Variants in TNR observed in about 807,000 individuals in gnomAD.
The protein encoded by TNR is tenascin-R.
In TNR, 45 loss-of-function variants were observed where a neutral mutation model predicts 150.4. The ratio of observed to expected loss-of-function variants is 0.30; its 90% CI spans 0.24 to 0.38. TNR has a LOEUF of 0.38. Among genes scored for constraint, TNR ranks in the 10% least tolerant of loss-of-function variants. The probability of loss-of-function intolerance (pLI) is 1.00; values close to 1 mark genes in which losing one functional copy is unlikely to be tolerated. For synonymous variants in TNR, 687 were observed against 678.4 expected (o/e 1.01, Z -0.20); for missense variants, 1,544 against 1,759.1 (o/e 0.88, Z 2.19).
At chr1:175,359,835 C>T (rs1651511809) in intron 14 of TNR, 104 bp from the exon 15 acceptor site, 1 of 1,389,824 alleles carries the variant, frequency 7.2e-7, no homozygotes, top group South Asian at 1.5e-5. Flanking sequence ...TGCTGCTGCA[C>T]TCTACAAAAC....
intron 18 of TNR, among the ~76,000 whole-genome samples, chr1:175,350,496 T>C (rs1157296074): frequency 6.6e-6 from 1 of 152,240 alleles, no homozygotes; most frequent in Non-Finnish European, 1.5e-5. Context: ...AGACCTTGGA[T>C]GAAATTTCAG....
intron 2 of TNR, among the ~76,000 whole-genome samples, chr1:175,519,990 A>G (rs1052674337): frequency 6.6e-6 from 1 of 152,234 alleles, no homozygotes; most frequent in Non-Finnish European, 1.5e-5. Flanking sequence ...GTTTGAATTC[A>G]TGCAAATTAT....
intron 1 of TNR, among the ~76,000 whole-genome samples, chr1:175,726,879 A>C (rs980019880): frequency 1.3e-5 from 2 of 152,192 alleles, no homozygotes; most frequent in Non-Finnish European, 2.9e-5. Flanking sequence ...GCTCTTGATT[A>C]TAGGTAAATC....
At chr1:175,741,801 T>C (rs761574066) in intron 1 of TNR, among the ~76,000 whole-genome samples, 2 of 152,166 alleles carry the variant, frequency 1.3e-5, no homozygotes, top group East Asian at 1.9e-4. Flanking sequence ...GGGCCCATTG[T>C]GCTGAATTAA....
Position 175,315,223 on chromosome 1 carries a change from G to T in TNR, c.*8134C>A, listed in dbSNP as rs148057565. The stretch of plus-strand genomic sequence containing the variant: ...TTTCAGGATCTTTTATTAACGTATA[G>T]AAAATGTGTTTAAAAAAGGAACTAT... On this transcript the variant is annotated 3_prime_UTR_variant, in exon 23 of 23. Transcript: ENST00000367674. 3.9e-5 allele frequency: 6 copies of T among 152,196 alleles called. No homozygotes were observed. Among genetic ancestry groups the T allele is most frequent in the African/African-American group, 1.4e-4 (6 of 41,518 alleles). The allele number at this position is 152,196 out of a possible 1,614,324, so 9.4% of individuals were successfully genotyped here. A position where few individuals can be genotyped will look rare whatever the true frequency, so the allele number is the denominator to read the frequency against.
At chr1:175,359,557 A>G in intron 15 of TNR, 55 bp downstream of exon 15, 4 of 1,611,882 alleles carry the variant, frequency 2.5e-6, no homozygotes, top group Non-Finnish European at 3.4e-6. Flanking sequence ...ACTGGTCTGC[A>G]GCTCCAATTC....
rs187629789 is a variant in TNR at position 175,379,075 on chromosome 1, A to G, written c.1963+477T>C. On this transcript the variant is annotated intron_variant, in intron 9 of 22. Coordinates refer to ENST00000367674, the MANE Select transcript of TNR (RefSeq NM_003285.3). ...ATGCCTGTAATCCTAGCTACTTGGG[A>G]GGCTGAGGCAGGAGAATCGCTTGAA... Among the ~76,000 whole-genome samples the G allele has an allele frequency of 1.1e-3, 163 of 151,652 alleles. 1 individual carries two copies. The highest frequency in any genetic ancestry group is 3.2e-3 in the African/African-American group (133 of 41,322).
intron 1 of TNR, among the ~76,000 whole-genome samples, chr1:175,594,672 C>G (rs1662935786): frequency 6.6e-6 from 1 of 151,184 alleles, no homozygotes; most frequent in African/African-American, 2.4e-5. Context: ...CTGGGCAACA[C>G]AGCAAATCCC....
intron 8 of TNR, among the ~76,000 whole-genome samples, chr1:175,380,276 G>T (rs1324776792): frequency 1.3e-5 from 2 of 152,160 alleles, no homozygotes; most frequent in African/African-American, 2.4e-5. Flanking sequence ...TCAGGCTTCC[G>T]TTTGATCCCC....
At chr1:175,554,314 A>T (rs1174243677) in intron 1 of TNR, among the ~76,000 whole-genome samples, 1 of 144,556 alleles carries the variant, frequency 6.9e-6, no homozygotes, top group Non-Finnish European at 1.5e-5. Flanking sequence ...TTCCTAAGGG[A>T]TTAACAAAAA....
chr1:175,459,949 G>A (rs1395353431), intron 2 of TNR, among the ~76,000 whole-genome samples: 1 of 152,174 alleles, frequency 6.6e-6, no homozygotes, highest in Admixed American at 6.5e-5. Flanking sequence ...TGTATATAGA[G>A]TTTGCAGTAA....
chr1:175,555,515 G>GGAAAAAAAAAAAAAAAAAA (rs771916145), intron 1 of TNR, among the ~76,000 whole-genome samples: 1 of 127,880 alleles, frequency 7.8e-6, no homozygotes, highest in African/African-American at 2.9e-5. Flanking sequence ...ACAACTGAGA[G>GGAAAAAAAAAAAAAAAAAA]AAAAAAAAAA....
intron 1 of TNR, among the ~76,000 whole-genome samples, chr1:175,562,224 A>AT (rs1661458651): frequency 2.0e-5 from 3 of 152,184 alleles, no homozygotes; most frequent in East Asian, 1.9e-4. Flanking sequence ...TTTCTGGTCC[A>AT]TTTTTTCTCC....
chr1:175,584,149 A>G (rs1662475460), intron 1 of TNR, among the ~76,000 whole-genome samples: 2 of 152,238 alleles, frequency 1.3e-5, no homozygotes, highest in South Asian at 4.1e-4. Flanking sequence ...ATTTGGAGAC[A>G]GGATTTTAAC....
intron 2 of TNR, among the ~76,000 whole-genome samples, chr1:175,459,725 T>C (rs536852616): frequency 1.3e-5 from 2 of 152,286 alleles, no homozygotes; most frequent in African/African-American, 4.8e-5. Context: ...AGACAGGGGC[T>C]GTTTCTCTCC....
At chr1:175,440,738 T>C (rs1182584204) in intron 2 of TNR, among the ~76,000 whole-genome samples, 1 of 152,066 alleles carries the variant, frequency 6.6e-6, no homozygotes, top group Admixed American at 6.6e-5. Context: ...ATAGATTCAG[T>C]AAGATCTGTT....
At chr1:175,424,919 A>C (rs1047205447) in intron 2 of TNR, among the ~76,000 whole-genome samples, 10 of 151,938 alleles carry the variant, frequency 6.6e-5, no homozygotes, top group Non-Finnish European at 1.2e-4. Context: ...CAAGCTGAAG[A>C]CCCTGGAGGG....
Position 175,657,853 on chromosome 1 carries a change from GTATATATATATA to G in TNR, c.-165+85361_-165+85372del, listed in dbSNP as rs59315046. 5.8e-4 allele frequency among the ~76,000 whole-genome samples: 41 copies of G among 70,460 alleles called. 3 individuals carry two copies. Among genetic ancestry groups the G allele is most frequent in the African/African-American group, 1.6e-3 (27 of 16,968 alleles). The allele number at this position is 70,460 out of a possible 152,430, so 46.2% of individuals were successfully genotyped here. ...GGTGCAGCACACCAACATGGAACATGTATATATATATATATATATATATATATATATGTAACA... is the reference window on the plus strand; with the variant it reads ...GGTGCAGCACACCAACATGGAACATGTATATATATATATATATATGTAACA... On this transcript the variant is annotated intron_variant, in intron 1 of 22. Transcript: ENST00000367674.
intron 2 of TNR, among the ~76,000 whole-genome samples, chr1:175,444,239 A>G (rs1205961910): frequency 6.6e-6 from 1 of 152,196 alleles, no homozygotes; most frequent in Non-Finnish European, 1.5e-5. Context: ...GCTGATCAGG[A>G]GAGGAGGGAC....
Sources: gnomAD v4.1 joint callset for allele counts (sites outside exome capture counted in the v4.1 genomes callset) on GRCh38, gnomAD v4.1.1 for gene constraint, MANE v1.5 for transcripts, NCBI Gene and HGNC (gene_info 2026-07-23, HGNC 2026-07-21) for gene names.